GNAO1: variants seen among roughly 807,000 people sequenced by gnomAD.
GNAO1 encodes guanine nucleotide-binding protein G(o) subunit alpha.
For missense variants in GNAO1, 166 were observed against 478.7 expected (o/e 0.35, Z 6.10); for synonymous variants, 164 against 180.7 (o/e 0.91, Z 0.74).
intron 3 of GNAO1, among the ~76,000 whole-genome samples, chr16:56,318,393 G>C (rs1454338612): frequency 6.6e-6 from 1 of 152,238 alleles, no homozygotes; most frequent in Non-Finnish European, 1.5e-5. Context: ...GGCAGCCCAA[G>C]GAAGGCGCGA....
intron 3 of GNAO1, among the ~76,000 whole-genome samples, chr16:56,289,555 C>T (rs190327703): frequency 3.9e-5 from 6 of 152,140 alleles, no homozygotes; most frequent in South Asian, 2.1e-4. Flanking sequence ...AGGAGATGAG[C>T]GGCCCCATGC....
chr16:56,199,714 A>G (rs138823613), intron 2 of GNAO1, among the ~76,000 whole-genome samples: 1 of 152,356 alleles, frequency 6.6e-6, no homozygotes, highest in East Asian at 1.9e-4. Context: ...TTCCAGCTCT[A>G]AGATGCAGTA....
At chr16:56,333,264 G>A (rs1447673669) in intron 4 of GNAO1, among the ~76,000 whole-genome samples, 2 of 149,302 alleles carry the variant, frequency 1.3e-5, no homozygotes, top group East Asian at 2.0e-4. Context: ...CCAGGCTGGA[G>A]TACAGTGGCA....
rs1392097198 is a variant in GNAO1, at chr16:56,191,552, G to C, written c.-684G>C. The C allele has an allele frequency of 1.3e-5, 2 of 150,666 alleles. No individual in the cohort carries two copies. The highest frequency in any genetic ancestry group is 2.9e-5 in the Non-Finnish European group (2 of 67,876). The allele number at this position is 150,666 out of a possible 1,614,324, so 9.3% of individuals were successfully genotyped here. A position where few individuals can be genotyped will look rare whatever the true frequency, so the allele number is the denominator to read the frequency against. On this transcript the variant is annotated 5_prime_UTR_variant, in exon 1 of 9. Transcript: ENST00000262493. The surrounding 1 kb of genome is among the most constrained non-coding windows in gnomAD (Gnocchi z 4.7). ...TCCCTGGCGCTCTCCCTCTCTCTCC[G>C]GTAGGCTCACCGAGCGATGCGAGCT...
intron 2 of GNAO1, among the ~76,000 whole-genome samples, chr16:56,241,138 C>T (rs1414780014): frequency 1.3e-5 from 2 of 152,264 alleles, no homozygotes; most frequent in East Asian, 3.8e-4. Flanking sequence ...TTCTTTGCCA[C>T]AGGCCTTACA....
intron 2 of GNAO1, among the ~76,000 whole-genome samples, chr16:56,210,746 C>G (rs952994436): frequency 6.6e-6 from 1 of 152,118 alleles, no homozygotes; most frequent in Non-Finnish European, 1.5e-5. Context: ...AGGGCTTTGG[C>G]CCACTTTTTA....
chr16:56,279,088 CAG>C (rs2143528889), intron 3 of GNAO1, among the ~76,000 whole-genome samples: 1 of 152,208 alleles, frequency 6.6e-6, no homozygotes, highest in African/African-American at 2.4e-5. Flanking sequence ...CACCACTCAT[CAG>C]GGGATGTCTG....
intron 3 of GNAO1, among the ~76,000 whole-genome samples, chr16:56,291,755 A>T (rs1443694543): frequency 2.0e-5 from 3 of 152,170 alleles, no homozygotes. Flanking sequence ...GAAGTCCAAC[A>T]TCAAGATACC....
chr16:56,193,316 G>C (rs1428005805), intron 2 of GNAO1: 1 of 152,920 alleles, frequency 6.5e-6, no homozygotes, highest in Non-Finnish European at 1.5e-5. Flanking sequence ...AGGTGGAAGG[G>C]GGAGGGAAGC....
chr16:56,244,366 T>TAAA (rs55668135), intron 2 of GNAO1, among the ~76,000 whole-genome samples: 5 of 139,742 alleles, frequency 3.6e-5, no homozygotes, highest in East Asian at 2.0e-4. Flanking sequence ...ACACTTAGCA[T>TAAA]AAAAAAAAAA....
chr16:56,192,868 CAG>C (rs2036192983), intron 2 of GNAO1: 2 of 531,968 alleles, frequency 3.8e-6, no homozygotes, highest in Non-Finnish European at 6.7e-6. Flanking sequence ...GTATGAATGA[CAG>C]TGTCCGCCAT....
chr16:56,314,890 A>G (rs2037493593), intron 3 of GNAO1, among the ~76,000 whole-genome samples: 1 of 152,276 alleles, frequency 6.6e-6, no homozygotes, highest in African/African-American at 2.4e-5. Context: ...CACTAGGGAC[A>G]CTAAGACCCC....
chr16:56,264,626 T>C (rs1465301843), intron 2 of GNAO1, among the ~76,000 whole-genome samples: 2 of 152,160 alleles, frequency 1.3e-5, no homozygotes, highest in African/African-American at 2.4e-5. Context: ...CAATCATTCC[T>C]CTGGGGGACT....
intron 2 of GNAO1, chr16:56,270,498 A>C (rs2037006323): frequency 6.6e-6 from 1 of 152,166 alleles, no homozygotes; most frequent in African/African-American, 2.4e-5. Context: ...TGCTCTGGAG[A>C]GGGACAGGTC....
intron 6 of GNAO1, chr16:56,345,260 G>A (rs1372879667): frequency 1.0e-6 from 1 of 985,534 alleles, no homozygotes; most frequent in Non-Finnish European, 1.2e-6. Flanking sequence ...CCAGTCGTGT[G>A]CTTGTACAGC....
At chr16:56,292,707 C>T (rs2037244424) in intron 3 of GNAO1, among the ~76,000 whole-genome samples, 1 of 152,188 alleles carries the variant, frequency 6.6e-6, no homozygotes, top group Non-Finnish European at 1.5e-5. Context: ...TCCTACACAG[C>T]ATGTTCATGG....
chr16:56,268,523 T>A (rs2143502849), intron 2 of GNAO1, among the ~76,000 whole-genome samples: 1 of 152,354 alleles, frequency 6.6e-6, no homozygotes, highest in African/African-American at 2.4e-5. Flanking sequence ...AAATGGTCCC[T>A]AGTAGGTTAA....
chr16:56,267,905 AG>A (rs1345723643), intron 2 of GNAO1, among the ~76,000 whole-genome samples: 1 of 142,776 alleles, frequency 7.0e-6, no homozygotes, highest in African/African-American at 2.6e-5. Context: ...CCACCCCTAC[AG>A]GAACACCTCT....
In GNAO1 at chr16:56,326,919, A is replaced by C. The variant is rs2037637937; in HGVS notation, c.304-1712A>C. 2.0e-5 allele frequency among the ~76,000 whole-genome samples: 3 copies of C among 152,112 alleles called. No homozygotes were observed. Among genetic ancestry groups the C allele is most frequent in the Non-Finnish European group, 1.5e-5 (1 of 68,022 alleles). On this transcript the variant is annotated intron_variant, in intron 3 of 8. Transcript: ENST00000262493. This position sits in a 1 kb window ranked among gnomAD's most constrained non-coding sequence, Gnocchi z 4.8. ...ACCAGGCCCTGTCAGCCGTCCAGGG[A>C]GCTCTCGGCACAGGTGGGTCTGATC...
Sources: allele counts gnomAD v4.1 joint callset (sites outside exome capture counted in the v4.1 genomes callset), GRCh38; gene constraint gnomAD v4.1.1; non-coding constraint Gnocchi (gnomAD v3.1); transcripts MANE v1.5; gene names NCBI Gene and HGNC (gene_info 2026-07-23, HGNC 2026-07-21).